The following ZBTB20 variants were observed in gnomAD, a reference collection of about 807,000 sequenced individuals.
The protein encoded by ZBTB20 is zinc finger and BTB domain-containing protein 20.
A neutral mutation model predicts 56.9 loss-of-function variants in ZBTB20; 9 were observed. That is an observed-to-expected ratio of 0.16 (90% CI 0.10 to 0.28). ZBTB20 has a LOEUF of 0.28. Ranked by LOEUF, ZBTB20 falls within the 10% of genes least tolerant of loss-of-function variation. ZBTB20 has a pLI of 1.00. For synonymous variants in ZBTB20, 417 were observed against 420.7 expected, an observed-to-expected ratio of 0.99 and a Z score of 0.11; for missense variants, 655 against 1,003.0, an observed-to-expected ratio of 0.65 and a Z score of 4.69.
At chr3:114,860,009 C>T (rs1359573240) in intron 4 of ZBTB20, among the ~76,000 whole-genome samples, 1 of 152,116 alleles carries the variant, frequency 6.6e-6, no homozygotes, top group East Asian at 1.9e-4. Flanking sequence ...CATTCAATAT[C>T]TATAATTCTG....
chr3:114,457,272 GTGA>G (rs1232225055), intron 7 of ZBTB20, among the ~76,000 whole-genome samples: 1 of 152,190 alleles, frequency 6.6e-6, no homozygotes, highest in Non-Finnish European at 1.5e-5. Flanking sequence ...TCTGTAAAAG[GTGA>G]TGATATTGGT....
chr3:114,453,714 A>G (rs1223825301), intron 7 of ZBTB20: 1 of 152,112 alleles, frequency 6.6e-6, no homozygotes, highest in Non-Finnish European at 1.5e-5. Context: ...AGGAGAAAAG[A>G]GCAACATATG....
intron 7 of ZBTB20, among the ~76,000 whole-genome samples, chr3:114,428,489 T>C (rs1293581435): frequency 6.6e-6 from 1 of 152,116 alleles, no homozygotes; most frequent in Non-Finnish European, 1.5e-5. Flanking sequence ...CTGGGTAGAT[T>C]TTAGTCTTTT....
At chr3:115,000,567 G>A (rs1345629377) in intron 2 of ZBTB20, among the ~76,000 whole-genome samples, 2 of 151,372 alleles carry the variant, frequency 1.3e-5, no homozygotes, top group African/African-American at 4.8e-5. Context: ...CTCTCCATAG[G>A]TTGGCTATAT....
At chr3:114,570,231 T>C (rs2053267111) in intron 6 of ZBTB20, among the ~76,000 whole-genome samples, 1 of 149,292 alleles carries the variant, frequency 6.7e-6, no homozygotes, top group Non-Finnish European at 1.5e-5. Context: ...GATCATAGAA[T>C]TTTTTTTTTA....
At position 114,544,413 on chromosome 3, in the gene ZBTB20, CT is replaced by C. The variant is rs200397648; in HGVS notation, c.-294-44023del. Among the ~76,000 whole-genome samples the C allele has an allele frequency of 9.0e-4, 8 of 8,918 alleles. 1 individual carries two copies. The highest frequency in any genetic ancestry group is 4.3e-3 in the African/African-American group (8 of 1,840). The allele number at this position is 8,918 out of a possible 152,430, so 5.9% of individuals were successfully genotyped here. ...CTCTTAAAAACTAGATTTCTTCTTT[CT>C]TTCTTTCTTTCTTTCTTTCTTTCTT... is the stretch of plus-strand genomic sequence containing the variant. On this transcript the variant is annotated intron_variant, in intron 6 of 11. Transcript: ENST00000675478.
At chr3:114,445,740 G>T (rs1254750037) in intron 7 of ZBTB20, 1 of 152,032 alleles carries the variant, frequency 6.6e-6, no homozygotes, top group Non-Finnish European at 1.5e-5. Context: ...GAATCCACAG[G>T]TTCAAAATTT....
At chr3:114,800,400 T>C (rs1352828104) in intron 5 of ZBTB20, among the ~76,000 whole-genome samples, 3 of 151,826 alleles carry the variant, frequency 2.0e-5, no homozygotes, top group Non-Finnish European at 2.9e-5. Context: ...TCCAAGTACA[T>C]TGACAAAACA....
chr3:114,518,451 A>G (rs1273625311), intron 6 of ZBTB20: 2 of 152,202 alleles, frequency 1.3e-5, no homozygotes, highest in East Asian at 3.9e-4. Flanking sequence ...AGCCGTTTTG[A>G]GGTTCATAAA....
chr3:114,566,483 T>A (rs1164181719), intron 6 of ZBTB20, among the ~76,000 whole-genome samples: 1 of 152,204 alleles, frequency 6.6e-6, no homozygotes, highest in Admixed American at 6.5e-5. Flanking sequence ...GTTGATGGCT[T>A]GAAGTCTGAC....
At chr3:114,787,366 T>TATATATATATATATACATATACAC in intron 5 of ZBTB20, among the ~76,000 whole-genome samples, 1 of 82,910 alleles carries the variant, frequency 1.2e-5, no homozygotes, top group African/African-American at 5.3e-5. Context: ...TATATATATA[T>TATATATATATATATACATATACAC]ATACACACAC....
intron 1 of ZBTB20, among the ~76,000 whole-genome samples, chr3:115,101,364 C>T (rs763281847): frequency 1.2e-4 from 19 of 152,152 alleles, no homozygotes; most frequent in Middle Eastern, 3.4e-3. Flanking sequence ...TTTCTATATT[C>T]TAGTTCCAAA....
intron 7 of ZBTB20, among the ~76,000 whole-genome samples, chr3:114,409,710 A>C (rs1418450590): frequency 1.3e-5 from 2 of 152,194 alleles, no homozygotes; most frequent in Non-Finnish European, 2.9e-5. Flanking sequence ...TTTTTTAAAA[A>C]ACACAAATGA....
chr3:114,593,193 T>C (rs865902759), intron 6 of ZBTB20, among the ~76,000 whole-genome samples: 7 of 152,114 alleles, frequency 4.6e-5, no homozygotes, highest in African/African-American at 1.7e-4. Flanking sequence ...TATTTTGAGG[T>C]ATTAAAAAGC....
intron 7 of ZBTB20, among the ~76,000 whole-genome samples, chr3:114,495,452 T>TACACACAC (rs35156549): frequency 8.7e-5 from 13 of 149,026 alleles, no homozygotes; most frequent in African/African-American, 3.2e-4. Context: ...AGTCTGTGTA[T>TACACACAC]ACACACACAC....
At chr3:114,511,932 G>C (rs2045445794) in intron 6 of ZBTB20, among the ~76,000 whole-genome samples, 1 of 152,038 alleles carries the variant, frequency 6.6e-6, no homozygotes. Context: ...CTTATATCTA[G>C]GGCTCCAGCC....
intron 5 of ZBTB20, among the ~76,000 whole-genome samples, chr3:114,700,664 T>G (rs1280212153): frequency 2.0e-5 from 3 of 152,170 alleles, no homozygotes; most frequent in African/African-American, 7.2e-5. Flanking sequence ...CTTGGCTTAA[T>G]GTGGTCAAAC....
intron 3 of ZBTB20, chr3:114,930,873 T>C (rs1423755715): frequency 7.5e-6 from 2 of 268,280 alleles, no homozygotes; most frequent in Non-Finnish European, 1.5e-5. Context: ...AGGCAGTAAA[T>C]GTTACAGGCC....
At chr3:114,720,147 T>A (rs1029909715) in intron 5 of ZBTB20, among the ~76,000 whole-genome samples, 2 of 149,290 alleles carry the variant, frequency 1.3e-5, no homozygotes, top group Non-Finnish European at 3.0e-5. Context: ...AAATATGATA[T>A]AGCTTATCAT....
Sources: gnomAD v4.1 joint callset for allele counts (sites outside exome capture counted in the v4.1 genomes callset) on GRCh38, gnomAD v4.1.1 for gene constraint, MANE v1.5 for transcripts, NCBI Gene and HGNC (gene_info 2026-07-23, HGNC 2026-07-21) for gene names.